MAGI1: variants seen among roughly 807,000 people sequenced by gnomAD.
MAGI1 encodes membrane-associated guanylate kinase, WW and PDZ domain-containing protein 1.
A neutral mutation model predicts 139.9 loss-of-function variants in MAGI1; 58 were observed. The observed-to-expected ratio is 0.41, with a 90% CI of 0.34 to 0.52. The LOEUF (loss-of-function observed/expected upper bound fraction) is 0.52. Among genes scored for constraint, MAGI1 ranks in the 20% least tolerant of loss-of-function variants. The probability of loss-of-function intolerance (pLI) is 0.12; values close to 1 mark genes in which losing one functional copy is unlikely to be tolerated. For missense variants in MAGI1, 1,874 were observed against 1,901.6 expected (o/e 0.99, Z 0.27); for synonymous variants, 812 against 737.9 (o/e 1.10, Z -1.63).
In MAGI1 at chr3:65,498,740, T is replaced by C. The variant is rs55724809; in HGVS notation, c.431-5109A>G. Among the ~76,000 whole-genome samples the C allele has an allele frequency of 7.5e-3, 1,144 of 152,336 alleles. 6 individuals are homozygous for C. Among genetic ancestry groups the C allele is most frequent in the Middle Eastern group, 0.048 (14 of 294 alleles). ...ATCACTGTCTGATGGAACCTGTCCT[T>C]CATGGAAATGTTCCATATCTGTGCT... is the stretch of plus-strand genomic sequence containing the variant. On this transcript the variant is annotated intron_variant, in intron 2 of 22. Transcript: ENST00000402939.
chr3:65,391,332 C>T lies in MAGI1; in HGVS notation c.2226G>A (p.Gln742=). The change falls in exon 14 of 23, where the codon CAG becomes CAA. Residue 742 remains glutamine (Q), a synonymous_variant. Coordinates refer to ENST00000402939, the MANE Select transcript of MAGI1 (RefSeq NM_001033057.2). Reference sequence around the variant, plus strand: ...TGGAAACACTGTGCTGAGAACTATTCTGGCTGTCTTTCCTTTCCAGTGGTT... The same window carrying T: ...TGGAAACACTGTGCTGAGAACTATTTTGGCTGTCTTTCCTTTCCAGTGGTT... ...KSQPLERKDS[Q]NSSQHSVSSH... 1.2e-6 allele frequency: 2 copies of T among 1,614,194 alleles called. No individual in the cohort carries two copies. Among genetic ancestry groups the T allele is most frequent in the Non-Finnish European group, 1.7e-6 (2 of 1,180,032 alleles).
At chr3:65,507,834 G>A (rs1166531106) in intron 2 of MAGI1, among the ~76,000 whole-genome samples, 1 of 152,028 alleles carries the variant, frequency 6.6e-6, no homozygotes, top group Non-Finnish European at 1.5e-5. Context: ...AGATAGATGA[G>A]TCATAGAAAT....
At chr3:65,542,518 T>A (rs148590339) in intron 2 of MAGI1, among the ~76,000 whole-genome samples, 1 of 152,250 alleles carries the variant, frequency 6.6e-6, no homozygotes, top group South Asian at 2.1e-4. Flanking sequence ...TACAAGGCTA[T>A]AGTAACCAAA....
intron 1 of MAGI1, among the ~76,000 whole-genome samples, chr3:65,993,746 T>G (rs968780136): frequency 1.3e-5 from 2 of 152,312 alleles, no homozygotes; most frequent in Admixed American, 1.3e-4. Flanking sequence ...TACCTGTAGC[T>G]AATAAATCAC....
intron 2 of MAGI1, among the ~76,000 whole-genome samples, chr3:65,578,967 G>A (rs978221681): frequency 6.6e-6 from 1 of 150,636 alleles, no homozygotes. Flanking sequence ...GAGAGAGAAC[G>A]AACAGATATT....
At chr3:65,453,010 G>A (rs1282858100) in intron 6 of MAGI1, 1 of 450,028 alleles carries the variant, frequency 2.2e-6, no homozygotes, top group Non-Finnish European at 4.0e-6. Flanking sequence ...CATTTGAACA[G>A]TTTCTGACTG....
chr3:66,035,833 A>G (rs1296171131), intron 1 of MAGI1, among the ~76,000 whole-genome samples: 2 of 152,068 alleles, frequency 1.3e-5, no homozygotes, highest in Non-Finnish European at 2.9e-5. Context: ...CTGTTTCCAA[A>G]CCCACTTGAT....
intron 12 of MAGI1, among the ~76,000 whole-genome samples, chr3:65,424,727 T>C (rs186241445): frequency 2.8e-4 from 43 of 152,248 alleles, no homozygotes; most frequent in Admixed American, 2.0e-3. Context: ...AAGTTGAACA[T>C]TACTCAGAAA....
intron 1 of MAGI1, among the ~76,000 whole-genome samples, chr3:65,793,414 A>T (rs754867566): frequency 2.0e-5 from 3 of 152,222 alleles, no homozygotes; most frequent in Non-Finnish European, 4.4e-5. Flanking sequence ...TCCACTGTGA[A>T]TCCCAGGATC....
At chr3:65,977,725 A>G (rs1045228389) in intron 1 of MAGI1, among the ~76,000 whole-genome samples, 14 of 151,868 alleles carry the variant, frequency 9.2e-5, no homozygotes, top group Admixed American at 4.6e-4. Context: ...CCACTACCAA[A>G]TAAAAAAAAA....
At chr3:65,982,339 G>A (rs2065627776) in intron 1 of MAGI1, among the ~76,000 whole-genome samples, 1 of 152,102 alleles carries the variant, frequency 6.6e-6, no homozygotes, top group South Asian at 2.1e-4. Flanking sequence ...CCCCTTCTTT[G>A]GTGCAAGGTC....
At chr3:65,759,079 AAAAAAAAAAAAAAAAAT>A (rs2036798778) in intron 1 of MAGI1, among the ~76,000 whole-genome samples, 2 of 146,546 alleles carry the variant, frequency 1.4e-5, no homozygotes, top group African/African-American at 5.4e-5. Context: ...AAAAAAAAAA[AAAAAAAAAAAAAAAAAT>A]GGAAAGTGAA....
In MAGI1 at chr3:65,800,764, T is replaced by TAGC. The variant is rs763612008; in HGVS notation, c.314-178677_314-178676insGCT. ...ATCCATTCCTATGGTTTCCAAGTATTTTGATGTTAGCTTCTACCAGGACTG... is the reference window on the plus strand; with the variant it reads ...ATCCATTCCTATGGTTTCCAAGTATTAGCTTGATGTTAGCTTCTACCAGGACTG... On this transcript the variant is annotated intron_variant, in intron 1 of 22. Coordinates refer to ENST00000402939, the MANE Select transcript of MAGI1 (RefSeq NM_001033057.2). Among the ~76,000 whole-genome samples the TAGC allele has an allele frequency of 3.0e-3, 450 of 152,334 alleles. 1 individual carries two copies. The highest frequency in any genetic ancestry group is 5.0e-3 in the Non-Finnish European group (343 of 68,038).
chr3:65,862,552 C>A (rs1017295952), intron 1 of MAGI1, among the ~76,000 whole-genome samples: 1 of 152,230 alleles, frequency 6.6e-6, no homozygotes, highest in South Asian at 2.1e-4. Context: ...TTCTATTCCA[C>A]AGCCTCACAT....
At chr3:65,771,903 T>C (rs1459332003) in intron 1 of MAGI1, among the ~76,000 whole-genome samples, 3 of 152,186 alleles carry the variant, frequency 2.0e-5, no homozygotes, top group Non-Finnish European at 2.9e-5. Context: ...AAGAATACTG[T>C]GGCATCTTTT....
At chr3:65,880,078 C>A (rs1400019636) in intron 1 of MAGI1, among the ~76,000 whole-genome samples, 1 of 152,114 alleles carries the variant, frequency 6.6e-6, no homozygotes, top group Non-Finnish European at 1.5e-5. Context: ...CCAGTCTCTA[C>A]TAAAAATATA....
chr3:65,821,182 G>A (rs1266748994), intron 1 of MAGI1, among the ~76,000 whole-genome samples: 2 of 152,090 alleles, frequency 1.3e-5, no homozygotes, highest in Non-Finnish European at 2.9e-5. Flanking sequence ...TAGTATCACA[G>A]GATTGTAGAA....
rs750710588 is a variant in MAGI1 at position 65,817,404 on chromosome 3, A to G, written c.314-195316T>C. Among the ~76,000 whole-genome samples the G allele has an allele frequency of 3.3e-5, 5 of 152,162 alleles. No individual in the cohort carries two copies. The South Asian group carries it at 6.2e-4, about 19-fold the overall frequency. ...TTATTATATTCTGAATGGAGCTTGC[A>G]AAAAAGAAGACATCATTTATGGCTC... is the stretch of plus-strand genomic sequence containing the variant. On this transcript the variant is annotated intron_variant, in intron 1 of 22. Transcript: ENST00000402939.
At chr3:65,375,723 A>C in intron 18 of MAGI1, 22 bp downstream of exon 18, 3 of 1,553,640 alleles carry the variant, frequency 1.9e-6, no homozygotes, top group South Asian at 1.1e-5. Context: ...AGAGAGAGAG[A>C]GAGATAATAG....
Sources: gnomAD v4.1 joint callset for allele counts (sites outside exome capture counted in the v4.1 genomes callset) on GRCh38, gnomAD v4.1.1 for gene constraint, MANE v1.5 for transcripts, NCBI Gene and HGNC (gene_info 2026-07-23, HGNC 2026-07-21) for gene names.